The following KIF26A variants were observed in gnomAD, a reference collection of about 807,000 sequenced individuals.
The protein encoded by KIF26A is kinesin-like protein KIF26A.
A neutral mutation model predicts 126.0 loss-of-function variants in KIF26A; 74 were observed. The ratio of observed to expected loss-of-function variants is 0.59; its 90% confidence interval spans 0.49 to 0.71. The LOEUF is 0.71. KIF26A is among the 30% of genes least tolerant of loss of function. The probability of loss-of-function intolerance (pLI) is 0.00; values close to 1 mark genes in which losing one functional copy is unlikely to be tolerated. For missense variants in KIF26A, 2,984 were observed against 2,763.3 expected (o/e 1.08, Z -1.79); for synonymous variants, 1,445 against 1,232.7 (o/e 1.17, Z -3.61).
intron 5 of KIF26A, among the ~76,000 whole-genome samples, chr14:104,170,890 G>A (rs2037950418): frequency 6.6e-6 from 1 of 152,244 alleles, no homozygotes; most frequent in African/African-American, 2.4e-5. Flanking sequence ...TCCGGTGCCT[G>A]TATGTGGCCC....
At chr14:104,161,801 C>T (rs61997640) in intron 4 of KIF26A, among the ~76,000 whole-genome samples, 27,682 of 152,232 alleles carry the variant, frequency 0.18, 2,793 homozygotes, top group Admixed American at 0.25. Context: ...GGGCAGGCTT[C>T]CTGGAGGAGG....
At position 104,152,480 on chromosome 14, in the gene KIF26A, G is replaced by A. The variant is rs781707130; in HGVS notation, c.735+19G>A. The stretch of plus-strand genomic sequence containing the variant: ...GTGCCTGGTGAGTGTCTTGCTCAGC[G>A]GATGGGAGCTGCTGGCCTCCTTGTC... On this transcript the variant is annotated intron_variant, in intron 3 of 14. Coordinates refer to ENST00000423312, the MANE Select transcript of KIF26A (RefSeq NM_015656.2). This position sits in a 1 kb window ranked among gnomAD's most constrained non-coding sequence, Gnocchi z 5.9. The A allele has an allele frequency of 1.3e-5, 20 of 1,528,652 alleles. 1 individual carries two copies. The highest frequency in any genetic ancestry group is 1.6e-5 in the Non-Finnish European group (18 of 1,140,458). 94.7% of individuals were successfully genotyped at this position (1,528,652 alleles called of 1,614,324 possible). A position where few individuals can be genotyped will look rare whatever the true frequency, so the allele number is the denominator to read the frequency against.
Position 104,174,340 on chromosome 14 carries a change from C to T in KIF26A, c.2193+30C>T, listed in dbSNP as rs771526037. 8.6e-5 allele frequency: 129 copies of T among 1,494,390 alleles called. 1 individual carries two copies. Among genetic ancestry groups the T allele is most frequent in the Middle Eastern group, 4.8e-4 (2 of 4,166 alleles). The allele number at this position is 1,494,390 out of a possible 1,614,324, so 92.6% of individuals were successfully genotyped here. A position where few individuals can be genotyped will look rare whatever the true frequency, so the allele number is the denominator to read the frequency against. On this transcript the variant is annotated intron_variant, in intron 11 of 14. Coordinates refer to ENST00000423312, the MANE Select transcript of KIF26A (RefSeq NM_015656.2). ...TCCCCACCTCCTGCCCGCCCCATCTCGGGGCCGTCTCGGCTCCTGTGTCCA... is the reference window on the plus strand; with the variant it reads ...TCCCCACCTCCTGCCCGCCCCATCTTGGGGCCGTCTCGGCTCCTGTGTCCA...
At chr14:104,144,525 C>T (rs1253098492) in intron 2 of KIF26A, among the ~76,000 whole-genome samples, 1 of 152,216 alleles carries the variant, frequency 6.6e-6, no homozygotes, top group Admixed American at 6.5e-5. Context: ...GGACTGGGGC[C>T]TTCCCAAAGC....
rs543944183 is a variant in KIF26A at position 104,140,620 on chromosome 14, C to T, written c.288+1332C>T. Reference sequence around the variant, plus strand: ...GTGGAGGGGAGGGGGCTCCTGGTCACGGGCAGGCCAGGGGTCCTAGTGGAG... The same window carrying T: ...GTGGAGGGGAGGGGGCTCCTGGTCATGGGCAGGCCAGGGGTCCTAGTGGAG... On this transcript the variant is annotated intron_variant, in intron 2 of 14. Transcript: ENST00000423312. Among the ~76,000 whole-genome samples the T allele has an allele frequency of 1.1e-4, 16 of 152,162 alleles. No homozygotes were observed. In the East Asian group the frequency reaches 2.5e-3, roughly 24 times the overall value.
chr14:104,138,625 G>A lies in KIF26A; in HGVS notation c.-98G>A. 1.0e-6 allele frequency: 1 copy of A among 980,864 alleles called. No homozygotes were observed. The highest frequency in any genetic ancestry group is 1.3e-6 in the Non-Finnish European group (1 of 769,146). 60.8% of individuals were successfully genotyped at this position (980,864 alleles called of 1,614,324 possible). On this transcript the variant is annotated 5_prime_UTR_variant, in exon 1 of 15. Transcript: ENST00000423312. ...GCGAACTTCCGAGCGGCTGGGCCGG[G>A]CCATGGGGGCGCCTCGGGGCCGGAT... is the stretch of plus-strand genomic sequence containing the variant.
Position 104,157,831 on chromosome 14 carries a change from T to C in KIF26A, c.812T>C (p.Leu271Ser), listed in dbSNP as rs1321521472. 6.2e-7 allele frequency: 1 copy of C among 1,609,462 alleles called. No homozygotes were observed. ...CCCCCCGTGGCCGGCCCTGATGGCT[T>C]GTCGAAGGCCTGGGGCCGTGGTGGA... The part of the protein sequence containing the change: ...ECPPVAGPDG[L>S]SKAWGRGGVC... Residue 271 changes from leucine to serine, a missense_variant, in exon 4 of 15, where the codon TTG (leucine) becomes TCG (serine). Leu to Ser is a moderately radical substitution (Grantham distance 145). Coordinates refer to ENST00000423312, the MANE Select transcript of KIF26A (RefSeq NM_015656.2).
At chr14:104,163,054 C>T (rs561900662) in intron 4 of KIF26A, among the ~76,000 whole-genome samples, 56 of 152,330 alleles carry the variant, frequency 3.7e-4, no homozygotes, top group South Asian at 1.0e-3. Flanking sequence ...TCTTCCCTTG[C>T]AGGCAGCTGG....
chr14:104,179,531 G>C, intron 14 of KIF26A, 78 bp from the exon 15 acceptor site: 1 of 1,438,006 alleles, frequency 7.0e-7, no homozygotes, highest in Non-Finnish European at 9.2e-7. Context: ...GCCTTTCCTG[G>C]GGCCTCTGGG....
Position 104,152,190 on chromosome 14 carries a change from C to G in KIF26A, c.464C>G (p.Pro155Arg). 3 of 1,606,136 alleles carry G rather than the reference C, an allele frequency of 1.9e-6. No individual in the cohort carries two copies. The highest frequency in any genetic ancestry group is 2.2e-5 in the South Asian group (2 of 90,088). ...APASHEDLDA[P>R]HGGPSLAPPS... ...GCCAGCCATGAGGACCTTGACGCCC[C>G]CCATGGAGGCCCCAGCCTCGCACCC... Residue 155 changes from proline (P) to arginine (R), a missense_variant, in exon 3 of 15, where the codon CCC becomes CGC. By Grantham distance (103) the Pro-to-Arg change is moderately radical. Transcript: ENST00000423312. This position sits in a 1 kb window ranked among gnomAD's most constrained non-coding sequence, Gnocchi z 5.9.
In KIF26A at chr14:104,152,835, C is replaced by T. The variant is rs1285396830; in HGVS notation, c.735+374C>T. 1.3e-5 allele frequency among the ~76,000 whole-genome samples: 2 copies of T among 152,090 alleles called. No homozygotes were observed. The highest frequency in any genetic ancestry group is 2.9e-5 in the Non-Finnish European group (2 of 68,000). ...GAGTAGGAGGGCCCTTGTGGCAGAG[C>T]GAGGGCCTGTGTGGAGGCCTGGGGG... is the stretch of plus-strand genomic sequence containing the variant. On this transcript the variant is annotated intron_variant, in intron 3 of 14. Coordinates refer to ENST00000423312, the MANE Select transcript of KIF26A (RefSeq NM_015656.2). This position sits in a 1 kb window ranked among gnomAD's most constrained non-coding sequence, Gnocchi z 5.9.
chr14:104,172,015 C>T lies in KIF26A; in HGVS notation c.1326+80C>T, dbSNP rs910552262. 13 of 1,341,890 alleles carry T rather than the reference C, an allele frequency of 9.7e-6. No homozygotes were observed. In the Admixed American group the frequency reaches 2.5e-4, roughly 26 times the overall value. The allele number at this position is 1,341,890 out of a possible 1,614,324, so 83.1% of individuals were successfully genotyped here. On this transcript the variant is annotated intron_variant, in intron 6 of 14. Coordinates refer to ENST00000423312, the MANE Select transcript of KIF26A (RefSeq NM_015656.2). Reference sequence around the variant, plus strand: ...TCAGCACATGGGTCCGATCTGCGCCCGCTTCTCCGTGCAGGGCGCAGAGGA... The same window carrying T: ...TCAGCACATGGGTCCGATCTGCGCCTGCTTCTCCGTGCAGGGCGCAGAGGA...
chr14:104,179,540 G>C lies in KIF26A; in HGVS notation c.5468-69G>C, dbSNP rs568901242. On this transcript the variant is annotated intron_variant, in intron 14 of 14. Transcript: ENST00000423312. ...CAAGATGCCTTTCCTGGGGCCTCTG[G>C]GGGGCCAGGTGGCTGCCCCCAGCCT... is the stretch of plus-strand genomic sequence containing the variant. The C allele has an allele frequency of 2.6e-4, 373 of 1,444,862 alleles. 3 individuals are homozygous for C. The East Asian group carries it at 7.0e-3, about 27-fold the overall frequency. 89.5% of individuals were successfully genotyped at this position (1,444,862 alleles called of 1,614,324 possible).
chr14:104,160,295 T>A (rs1415439375), intron 4 of KIF26A, among the ~76,000 whole-genome samples: 1 of 148,314 alleles, frequency 6.7e-6, no homozygotes, highest in African/African-American at 2.5e-5. Context: ...GCCTGGGGAG[T>A]CTCAGCTCTG....
At chr14:104,146,169 G>A (rs2037678773) in intron 2 of KIF26A, among the ~76,000 whole-genome samples, 1 of 152,200 alleles carries the variant, frequency 6.6e-6, no homozygotes, top group Non-Finnish European at 1.5e-5. Flanking sequence ...ACTCCTGGTA[G>A]CCAGTGAACA....
At position 104,176,414 on chromosome 14, in the gene KIF26A, G is replaced by T; in HGVS notation, c.3626G>T (p.Ser1209Ile). 6.3e-7 allele frequency: 1 copy of T among 1,593,176 alleles called. No homozygotes were observed. The stretch of plus-strand genomic sequence containing the variant: ...TCCGCAGCCCAGACCATCCACTCCA[G>T]CCTCCCCCGGAAACCGAGGACTGCC... Reference protein sequence around the residue: ...WASAAQTIHSSLPRKPRTASA... With the variant: ...WASAAQTIHSILPRKPRTASA... The change falls in exon 12 of 15, where the codon AGC (serine) becomes ATC (isoleucine). Residue 1209 changes from serine to isoleucine, a missense_variant. Transcript: ENST00000423312.
At chr14:104,146,514 C>T (rs781698250) in intron 2 of KIF26A, among the ~76,000 whole-genome samples, 21 of 152,126 alleles carry the variant, frequency 1.4e-4, no homozygotes, top group Admixed American at 2.6e-4. Context: ...CCTGAGGAGC[C>T]GGGCAGCGGG....
Position 104,172,632 on chromosome 14 carries a change from G to A in KIF26A, c.1384G>A (p.Asp462Asn), listed in dbSNP as rs1423377449. 1 of 1,613,260 alleles carries A rather than the reference G, an allele frequency of 6.2e-7. No homozygotes were observed. The highest frequency in any genetic ancestry group is 1.1e-5 in the South Asian group (1 of 91,080). ...DVLQSVVSGA[D>N]GCIFSFGHMS... The stretch of plus-strand genomic sequence containing the variant: ...GCTCCAGTCGGTGGTCAGTGGGGCT[G>A]ATGGCTGCATTTTTTCCTTTGGCCA... Residue 462 changes from aspartate (D) to asparagine (N), a missense_variant, in exon 7 of 15, where the codon GAT becomes AAT. Transcript: ENST00000423312.
Position 104,152,452 on chromosome 14 carries a change from G to A in KIF26A, c.726G>A (p.Pro242=), listed in dbSNP as rs367620622. The A allele has an allele frequency of 2.5e-4, 386 of 1,571,592 alleles. No individual in the cohort carries two copies. The highest frequency in any genetic ancestry group is 3.2e-4 in the Non-Finnish European group (376 of 1,160,342). ...CGCGGGTCAACAGCTTCCTCCCGCCGGCGTGCCTGGTGAGTGTCTTGCTCA... is the reference window on the plus strand; with the variant it reads ...CGCGGGTCAACAGCTTCCTCCCGCCAGCGTGCCTGGTGAGTGTCTTGCTCA... ...SVSRVNSFLP[P]ACLAEAAVAA... Residue 242 remains proline, a synonymous_variant, in exon 3 of 15, where the codon CCG becomes CCA. Transcript: ENST00000423312. This position sits in a 1 kb window ranked among gnomAD's most constrained non-coding sequence, Gnocchi z 5.9.
Sources: allele counts gnomAD v4.1 joint callset (sites outside exome capture counted in the v4.1 genomes callset), GRCh38; gene constraint gnomAD v4.1.1; non-coding constraint Gnocchi (gnomAD v3.1); transcripts MANE v1.5; gene names NCBI Gene and HGNC (gene_info 2026-07-23, HGNC 2026-07-21).